The following SCOC variants were observed in gnomAD, a reference collection of about 807,000 sequenced individuals.
SCOC encodes the protein short coiled coil protein.
A neutral mutation model predicts 9.9 loss-of-function variants in SCOC; 7 were observed. That is an observed-to-expected ratio of 0.71 (90% CI 0.40 to 1.33). The LOEUF (loss-of-function observed/expected upper bound fraction) is 1.33, where lower values mean the gene tolerates loss of function less well. Ranked by LOEUF, SCOC falls within the 40% of genes most tolerant of loss-of-function variation. The pLI is 0.01. For synonymous variants in SCOC, 19 were observed against 28.2 expected, an observed-to-expected ratio of 0.67 and a Z score of 1.03; for missense variants, 66 against 89.7, an observed-to-expected ratio of 0.74 and a Z score of 1.07.
upstream of SCOC, among the ~76,000 whole-genome samples, chr4:140,370,054 T>G (rs1727986533): frequency 6.6e-6 from 1 of 152,014 alleles, no homozygotes; most frequent in Admixed American, 6.6e-5. Flanking sequence ...AAGAGCTGCC[T>G]TTTTATGTTT....
At chr4:140,332,746 A>G (rs1160819595) in intron 1 of SCOC, among the ~76,000 whole-genome samples, 1 of 152,000 alleles carries the variant, frequency 6.6e-6, no homozygotes, top group Non-Finnish European at 1.5e-5. Flanking sequence ...CAGATTTGAA[A>G]TCTGTCCAGG....
chr4:140,338,398 A>T (rs531419453), intron 1 of SCOC, among the ~76,000 whole-genome samples: 56 of 152,370 alleles, frequency 3.7e-4, no homozygotes, highest in African/African-American at 1.3e-3. Context: ...CAAGACAGGG[A>T]TGCCCTCTGT....
chr4:140,272,688 G>C lies in SCOC; in HGVS notation c.-19+15278G>C, dbSNP rs1332970118. 2.0e-5 allele frequency among the ~76,000 whole-genome samples: 3 copies of C among 152,134 alleles called. No individual in the cohort carries two copies. In the East Asian group the frequency reaches 5.8e-4, roughly 29 times the overall value. ...TGAAACATAGATGTGGAGGGTGCAG[G>C]GGAGGGGAAGAAATTAAGTCAAAAA... On this transcript the variant is annotated intron_variant, in intron 1 of 4. Coordinates refer to the SCOC transcript ENST00000394205.
intron 2 of SCOC, among the ~76,000 whole-genome samples, chr4:140,344,825 C>G (rs1028311203): frequency 1.3e-5 from 2 of 152,112 alleles, no homozygotes; most frequent in African/African-American, 4.8e-5. Flanking sequence ...GATGAGCATG[C>G]GCATGGGGAG....
intron 1 of SCOC, among the ~76,000 whole-genome samples, chr4:140,335,286 G>A (rs1178772221): frequency 6.6e-6 from 1 of 152,160 alleles, no homozygotes; most frequent in Non-Finnish European, 1.5e-5. Context: ...TCCTGGCTGT[G>A]GGTCATGAGC....
chr4:140,339,967 T>C (rs1455603572), upstream of SCOC, among the ~76,000 whole-genome samples: 1 of 152,124 alleles, frequency 6.6e-6, no homozygotes, highest in Non-Finnish European at 1.5e-5. Context: ...ACCCAAAGGA[T>C]TACAAATCAT....
At chr4:140,371,441 T>C (rs1242757023), upstream of SCOC, among the ~76,000 whole-genome samples, 1 of 152,256 alleles carries the variant, frequency 6.6e-6, no homozygotes, top group East Asian at 1.9e-4. Flanking sequence ...GTTTTATTTC[T>C]GTCGTGGTAT....
At chr4:140,327,075 C>T (rs551823589) in intron 1 of SCOC, among the ~76,000 whole-genome samples, 1 of 152,290 alleles carries the variant, frequency 6.6e-6, no homozygotes, top group Admixed American at 6.5e-5. Flanking sequence ...ACCATCAAAA[C>T]TACTACTAGA....
intron 2 of SCOC, among the ~76,000 whole-genome samples, chr4:140,362,273 C>CTCTTCTTCTTCTTCTTCTTCTTTT: frequency 3.4e-5 from 1 of 29,076 alleles, no homozygotes; most frequent in Non-Finnish European, 7.6e-5. Context: ...ACAGGTGTGT[C>CTCTTCTTCTTCTTCTTCTTCTTTT]CTTACTTCTT....
At chr4:140,343,319 C>T (rs753159195), upstream of SCOC, 18 of 226,674 alleles carry the variant, frequency 7.9e-5, no homozygotes, top group Admixed American at 1.1e-4. Flanking sequence ...TGGACAATTT[C>T]CTTGAGCAAT....
chr4:140,305,312 G>T (rs953161591), intron 1 of SCOC, among the ~76,000 whole-genome samples: 7 of 152,174 alleles, frequency 4.6e-5, no homozygotes, highest in Non-Finnish European at 1.0e-4. Flanking sequence ...AGCTGAGGAA[G>T]TTTGTTTAGG....
intron 1 of SCOC, among the ~76,000 whole-genome samples, chr4:140,269,276 TGTTTTGAC>T (rs1303026336): frequency 6.6e-6 from 1 of 152,068 alleles, no homozygotes; most frequent in African/African-American, 2.4e-5. Flanking sequence ...AGCTTGTGAG[TGTTTTGAC>T]GACCAATAGT....
chr4:140,362,786 T>C (rs2126560653), intron 2 of SCOC: 2 of 152,288 alleles, frequency 1.3e-5, no homozygotes, highest in Middle Eastern at 6.8e-3. Flanking sequence ...ACCAACATTT[T>C]CTGAGACATT....
At chr4:140,284,033 C>T (rs1442847550) in intron 1 of SCOC, 2 of 152,000 alleles carry the variant, frequency 1.3e-5, no homozygotes, top group African/African-American at 4.8e-5. Context: ...AAATAGGTAC[C>T]CTTTAAAGAT....
intron 2 of SCOC, among the ~76,000 whole-genome samples, chr4:140,345,597 A>G (rs1726700730): frequency 6.6e-6 from 1 of 152,258 alleles, no homozygotes; most frequent in African/African-American, 2.4e-5. Flanking sequence ...CTTGTTTAGC[A>G]GACATCATTC....
intron 1 of SCOC, among the ~76,000 whole-genome samples, chr4:140,304,101 G>C (rs1731892210): frequency 3.3e-5 from 5 of 152,110 alleles, no homozygotes; most frequent in Admixed American, 3.3e-4. Context: ...GTGGTGCTTA[G>C]GGAGAAACCT....
At chr4:140,373,776 A>T in intron 1 of SCOC, 59 bp downstream of exon 1, 1 of 1,478,838 alleles carries the variant, frequency 6.8e-7, no homozygotes, top group Non-Finnish European at 9.1e-7. Context: ...CTGCATCCTC[A>T]GTACCTCCGA....
chr4:140,297,558 A>G (rs1388773393), intron 1 of SCOC, among the ~76,000 whole-genome samples: 1 of 152,044 alleles, frequency 6.6e-6, no homozygotes, highest in Non-Finnish European at 1.5e-5. Flanking sequence ...CTTCCTCTCC[A>G]TCCTCTTTCT....
intron 1 of SCOC, among the ~76,000 whole-genome samples, chr4:140,285,644 G>T (rs2126422828): frequency 6.6e-6 from 1 of 152,338 alleles, no homozygotes; most frequent in South Asian, 2.1e-4. Flanking sequence ...AATTTCAGGA[G>T]ATACTTAAGT....
Sources: gnomAD v4.1 joint callset for allele counts (sites outside exome capture counted in the v4.1 genomes callset) on GRCh38, gnomAD v4.1.1 for gene constraint, MANE v1.5 for transcripts, NCBI Gene and HGNC (gene_info 2026-07-23, HGNC 2026-07-21) for gene names.